MANBA: variants seen among roughly 807,000 people sequenced by gnomAD.
MANBA encodes mannosidase beta.
MANBA carries 83 observed loss-of-function variants against 111.1 expected under a neutral mutation model. The ratio of observed to expected loss-of-function variants is 0.75; its 90% CI spans 0.63 to 0.90. MANBA has a LOEUF of 0.90. MANBA is among the 40% of genes least tolerant of loss of function. MANBA has a pLI of 0.00. For synonymous variants in MANBA, 370 were observed against 378.7 expected (o/e 0.98, Z 0.27); for missense variants, 1,036 against 1,069.0 (o/e 0.97, Z 0.43).
chr4:102,660,916 T>C (rs1730911118), intron 11 of MANBA, among the ~76,000 whole-genome samples: 1 of 152,016 alleles, frequency 6.6e-6, no homozygotes, highest in Non-Finnish European at 1.5e-5. Flanking sequence ...TCCATAAACA[T>C]GGACCAGATA....
At chr4:102,729,030 G>C (rs1722921789) in intron 1 of MANBA, 1 of 963,780 alleles carries the variant, frequency 1.0e-6, no homozygotes, top group Non-Finnish European at 1.7e-6. Context: ...TCCAGGGCCA[G>C]CTTGATGTTC....
chr4:102,720,240 GC>G (rs1722510521), intron 4 of MANBA, among the ~76,000 whole-genome samples: 1 of 152,090 alleles, frequency 6.6e-6, no homozygotes, highest in Non-Finnish European at 1.5e-5. Context: ...TTCATGAGCA[GC>G]CTGGCCAACA....
At chr4:102,680,595 T>A (rs1731919455) in intron 7 of MANBA, among the ~76,000 whole-genome samples, 1 of 149,212 alleles carries the variant, frequency 6.7e-6, no homozygotes, top group Non-Finnish European at 1.5e-5. Flanking sequence ...AAAAAAAAAA[T>A]CACACAGGAA....
At chr4:102,729,481 T>C (rs1296618438) in intron 1 of MANBA, 2 of 1,137,570 alleles carry the variant, frequency 1.8e-6, no homozygotes, top group African/African-American at 1.5e-5. Context: ...CTCCTGGATC[T>C]CCTCTTCATA....
rs1353790704 is a variant in MANBA, at chr4:102,699,122, G to A, written c.674-8351C>T. Reference sequence around the variant, plus strand: ...GTATTTTATTCTCTTTGAAGCAATTGTGAATGGGAGTTCACTCATGATTTG... The same window carrying A: ...GTATTTTATTCTCTTTGAAGCAATTATGAATGGGAGTTCACTCATGATTTG... On this transcript the variant is annotated intron_variant, in intron 5 of 16. Coordinates refer to ENST00000647097, the MANE Select transcript of MANBA (RefSeq NM_005908.4). Among the ~76,000 whole-genome samples, 4 of 152,236 alleles carry A rather than the reference G, an allele frequency of 2.6e-5. No individual in the cohort carries two copies. In the East Asian group the frequency reaches 7.7e-4, roughly 29 times the overall value.
At chr4:102,641,219 G>A (rs1311159953) in intron 13 of MANBA, among the ~76,000 whole-genome samples, 1 of 152,192 alleles carries the variant, frequency 6.6e-6, no homozygotes, top group Non-Finnish European at 1.5e-5. Context: ...ACCATTGGAG[G>A]AGGATGCCAG....
At chr4:102,698,120 AT>A in intron 5 of MANBA, among the ~76,000 whole-genome samples, 1 of 151,532 alleles carries the variant, frequency 6.6e-6, no homozygotes. Context: ...GATGATGAGC[AT>A]TTTTTCATGT....
At chr4:102,643,703 G>A (rs1578863975) in intron 13 of MANBA, among the ~76,000 whole-genome samples, 3 of 152,102 alleles carry the variant, frequency 2.0e-5, no homozygotes, top group African/African-American at 7.2e-5. Context: ...TTAAAGAAGT[G>A]TTTATTCAAA....
intron 11 of MANBA, among the ~76,000 whole-genome samples, chr4:102,662,368 TG>T (rs147774803): frequency 0.011 from 1,715 of 152,016 alleles, 24 homozygotes; most frequent in African/African-American, 0.039. Flanking sequence ...GCTGAAACCC[TG>T]TCTCTATGAA....
At chr4:102,698,780 T>G (rs1436221868) in intron 5 of MANBA, among the ~76,000 whole-genome samples, 1 of 151,128 alleles carries the variant, frequency 6.6e-6, no homozygotes, top group African/African-American at 2.4e-5. Flanking sequence ...TAGTTTGAAG[T>G]CAGGTAGTGT....
intron 1 of MANBA, among the ~76,000 whole-genome samples, chr4:102,753,005 A>G (rs949651901): frequency 3.3e-5 from 5 of 152,206 alleles, no homozygotes; most frequent in African/African-American, 1.2e-4. Context: ...AGTACTAAGT[A>G]TCTGTTGCCT....
intron 5 of MANBA, among the ~76,000 whole-genome samples, chr4:102,698,612 G>A (rs1732854055): frequency 1.3e-5 from 2 of 150,966 alleles, no homozygotes; most frequent in Non-Finnish European, 2.9e-5. Context: ...ATTGAATAGG[G>A]AATCCTTTCC....
intron 13 of MANBA, among the ~76,000 whole-genome samples, chr4:102,642,134 C>T (rs1475188321): frequency 6.6e-6 from 1 of 152,040 alleles, no homozygotes; most frequent in Non-Finnish European, 1.5e-5. Context: ...TTGTACAATC[C>T]TAGTTCCCTG....
rs1394339953 is a variant in MANBA at position 102,726,785 on chromosome 4, T to TA, written c.178-103dup. On this transcript the variant is annotated intron_variant, in intron 1 of 16. Transcript: ENST00000647097. ...TTATTAACAACAGCTATTTATCACC[T>TA]AAAAATTAACGAACTTTTAGCCTAG... 40 of 713,788 alleles carry TA rather than the reference T, an allele frequency of 5.6e-5. No individual in the cohort carries two copies. In the East Asian group the frequency reaches 1.0e-3, roughly 18 times the overall value. 44.2% of individuals were successfully genotyped at this position (713,788 alleles called of 1,614,324 possible).
chr4:102,680,497 C>T (rs1349725666), intron 7 of MANBA, among the ~76,000 whole-genome samples: 2 of 151,964 alleles, frequency 1.3e-5, no homozygotes, highest in East Asian at 3.9e-4. Flanking sequence ...AATGAACCTT[C>T]CATCTTGTCT....
intron 12 of MANBA, among the ~76,000 whole-genome samples, chr4:102,657,224 G>GGT (rs1730597456): frequency 2.4e-5 from 3 of 122,692 alleles, no homozygotes; most frequent in Non-Finnish European, 3.4e-5. Flanking sequence ...GAGTGGGGTG[G>GGT]GGGGGGGGTG....
At chr4:102,665,853 C>T (rs566520655) in intron 10 of MANBA, 2 of 152,322 alleles carry the variant, frequency 1.3e-5, no homozygotes, top group East Asian at 3.9e-4. Context: ...CTGATTGCCC[C>T]CCACTGATGC....
chr4:102,730,095 G>T, intron 1 of MANBA: 1 of 976,044 alleles, frequency 1.0e-6, no homozygotes, highest in Non-Finnish European at 1.5e-6. Flanking sequence ...GGGCCCACTT[G>T]TGTAGGAGTG....
chr4:102,671,482 A>G (rs1731496348), intron 8 of MANBA, 84 bp from the exon 9 acceptor site: 2 of 793,320 alleles, frequency 2.5e-6, no homozygotes, highest in Admixed American at 2.0e-5. Flanking sequence ...AATCTGTTAG[A>G]AAAACACACT....
Sources: gnomAD v4.1 joint callset for allele counts (sites outside exome capture counted in the v4.1 genomes callset) on GRCh38, gnomAD v4.1.1 for gene constraint, MANE v1.5 for transcripts, NCBI Gene and HGNC (gene_info 2026-07-23, HGNC 2026-07-21) for gene names.